CTNNA3: variants seen among roughly 807,000 people sequenced by gnomAD.
CTNNA3 encodes the protein catenin alpha-3.
A neutral mutation model predicts 95.7 loss-of-function variants in CTNNA3; 76 were observed. That is an observed-to-expected ratio of 0.79 (90% confidence interval 0.66 to 0.96). The LOEUF is 0.96. Among genes scored for constraint, CTNNA3 ranks in the 40% least tolerant of loss-of-function variants. CTNNA3 has a pLI of 0.00. For synonymous variants in CTNNA3, 431 were observed against 374.4 expected (o/e 1.15, Z -1.74); for missense variants, 1,191 against 1,089.8 (o/e 1.09, Z -1.31).
At position 66,733,278 on chromosome 10, in the gene CTNNA3, GA is replaced by G. The variant is rs201972721; in HGVS notation, c.1281+32985del. On this transcript the variant is annotated intron_variant, in intron 9 of 17. Transcript: ENST00000433211. ...CTCTTTAACTCTCTTGTGTGTAGTA[GA>G]AAAAAAAGTTGTAATTATATTGTTT... is the stretch of plus-strand genomic sequence containing the variant. Among the ~76,000 whole-genome samples the G allele has an allele frequency of 3.1e-3, 470 of 151,734 alleles. 12 individuals are homozygous for G. The East Asian group carries it at 0.055, about 18-fold the overall frequency.
chr10:67,412,929 A>G (rs1280444477), intron 5 of CTNNA3, among the ~76,000 whole-genome samples: 1 of 152,050 alleles, frequency 6.6e-6, no homozygotes, highest in Non-Finnish European at 1.5e-5. Context: ...GCTCACAGGC[A>G]CTATAAAGCA....
intron 7 of CTNNA3, among the ~76,000 whole-genome samples, chr10:67,062,514 A>AGT (rs997752117): frequency 2.0e-5 from 3 of 152,058 alleles, no homozygotes; most frequent in Admixed American, 6.6e-5. Flanking sequence ...TTTGGTTGAA[A>AGT]GTGTGTGTGT....
intron 7 of CTNNA3, among the ~76,000 whole-genome samples, chr10:66,805,596 A>G (rs901943390): frequency 6.6e-6 from 1 of 151,402 alleles, no homozygotes; most frequent in African/African-American, 2.4e-5. Flanking sequence ...AAACATAAGG[A>G]AGGATTTTCT....
At chr10:67,570,668 C>T (rs991370565) in intron 3 of CTNNA3, among the ~76,000 whole-genome samples, 4 of 152,182 alleles carry the variant, frequency 2.6e-5, no homozygotes, top group Non-Finnish European at 5.9e-5. Context: ...ATCTTCTTCA[C>T]AAGGTCTTTA....
chr10:67,215,238 C>T (rs977471203), intron 6 of CTNNA3, among the ~76,000 whole-genome samples: 1 of 152,020 alleles, frequency 6.6e-6, no homozygotes, highest in African/African-American at 2.4e-5. Flanking sequence ...ATAGCTCTGC[C>T]TGGTCAATTT....
intron 5 of CTNNA3, among the ~76,000 whole-genome samples, chr10:67,512,455 C>A (rs1448471390): frequency 6.6e-6 from 1 of 152,176 alleles, no homozygotes; most frequent in Non-Finnish European, 1.5e-5. Flanking sequence ...ATTGCAGCAT[C>A]ATTCATGATA....
At chr10:67,352,070 T>C (rs1230150988) in intron 5 of CTNNA3, among the ~76,000 whole-genome samples, 1 of 152,090 alleles carries the variant, frequency 6.6e-6, no homozygotes, top group Non-Finnish European at 1.5e-5. Flanking sequence ...CCTTTAAAGA[T>C]TGCACAAACT....
intron 1 of CTNNA3, among the ~76,000 whole-genome samples, chr10:67,726,626 T>TTATATTATATATAATATATAC (rs1841228935): frequency 3.5e-3 from 17 of 4,882 alleles, no homozygotes; most frequent in Admixed American, 6.9e-3. Flanking sequence ...ATAATATATA[T>TTATATTATATATAATATATAC]TATATTATAT....
chr10:65,981,888 A>C (rs894980972), intron 16 of CTNNA3, among the ~76,000 whole-genome samples: 2 of 151,988 alleles, frequency 1.3e-5, no homozygotes, highest in Non-Finnish European at 2.9e-5. Context: ...TAAAACCATA[A>C]AAATTCTAGA....
chr10:65,925,307 G>A (rs2077152238), intron 17 of CTNNA3, among the ~76,000 whole-genome samples: 1 of 152,074 alleles, frequency 6.6e-6, no homozygotes, highest in Non-Finnish European at 1.5e-5. Flanking sequence ...AATCGAAACA[G>A]TAAAAATGAA....
intron 6 of CTNNA3, among the ~76,000 whole-genome samples, chr10:67,210,501 T>C (rs1864095193): frequency 6.6e-6 from 1 of 152,182 alleles, no homozygotes; most frequent in African/African-American, 2.4e-5. Flanking sequence ...GAATACAACC[T>C]GATGCTTTGA....
At position 66,355,784 on chromosome 10, in the gene CTNNA3, C is replaced by A. The variant is rs1028081770; in HGVS notation, c.1732+23368G>T. On this transcript the variant is annotated intron_variant, in intron 12 of 17. Transcript: ENST00000433211. ...GGTGTTGTATCTAACAATGCCAAAC[C>A]AAAGTCACAAAAATTTATCCTATGT... Among the ~76,000 whole-genome samples the A allele has an allele frequency of 8.6e-5, 13 of 151,858 alleles. 1 individual carries two copies. The highest frequency in any genetic ancestry group is 2.7e-4 in the African/African-American group (11 of 41,456).
chr10:66,263,789 T>G (rs1169511458), intron 13 of CTNNA3, among the ~76,000 whole-genome samples: 2 of 152,108 alleles, frequency 1.3e-5, no homozygotes, highest in East Asian at 3.9e-4. Flanking sequence ...ACCAATTCAC[T>G]GAATATCTAA....
At chr10:67,388,718 G>A (rs1844312334) in intron 5 of CTNNA3, among the ~76,000 whole-genome samples, 2 of 152,058 alleles carry the variant, frequency 1.3e-5, no homozygotes, top group Non-Finnish European at 2.9e-5. Flanking sequence ...TCTCTCGGCA[G>A]AAACCCTACA....
At chr10:66,259,452 T>G (rs1052817695) in intron 13 of CTNNA3, among the ~76,000 whole-genome samples, 1 of 151,936 alleles carries the variant, frequency 6.6e-6, no homozygotes, top group Admixed American at 6.6e-5. Flanking sequence ...AGGAAGAAAA[T>G]AAGGAGAGGA....
rs566231835 is a variant in CTNNA3, at chr10:67,165,339, G to T, written c.1047+14978C>A. 6.6e-5 allele frequency among the ~76,000 whole-genome samples: 10 copies of T among 152,274 alleles called. No individual in the cohort carries two copies. The South Asian group carries it at 2.1e-3, about 32-fold the overall frequency. ...TGGAGAATAGATTTGCATTTGCCGAGGGTTAGGCACGGGGCAGGGGCAGGT... is the reference window on the plus strand; with the variant it reads ...TGGAGAATAGATTTGCATTTGCCGATGGTTAGGCACGGGGCAGGGGCAGGT... On this transcript the variant is annotated intron_variant, in intron 7 of 17. Coordinates refer to ENST00000433211, the MANE Select transcript of CTNNA3 (RefSeq NM_013266.4).
At chr10:67,522,233 A>G (rs753042810) in intron 4 of CTNNA3, among the ~76,000 whole-genome samples, 1 of 152,204 alleles carries the variant, frequency 6.6e-6, no homozygotes, top group African/African-American at 2.4e-5. Flanking sequence ...TAAAAAAAAT[A>G]AAAAAGAAAG....
chr10:67,328,455 C>G (rs1476491948), intron 5 of CTNNA3, among the ~76,000 whole-genome samples: 2 of 152,224 alleles, frequency 1.3e-5, no homozygotes, highest in Non-Finnish European at 2.9e-5. Flanking sequence ...GCACCAAACT[C>G]TTCGGGCTCC....
rs2092054354 is a variant in CTNNA3 at position 66,313,542 on chromosome 10, G to C, written c.1733-32921C>G. Among the ~76,000 whole-genome samples, 2 of 152,146 alleles carry C rather than the reference G, an allele frequency of 1.3e-5. 1 individual carries two copies. The highest frequency in any genetic ancestry group is 4.2e-4 in the South Asian group (2 of 4,818). On this transcript the variant is annotated intron_variant, in intron 12 of 17. Coordinates refer to ENST00000433211, the MANE Select transcript of CTNNA3 (RefSeq NM_013266.4). ...TCTTCTCCCAGCTTGTACAGTGTCTGGCTCCTTCTCCTCTTAACTCTCATC... is the reference window on the plus strand; with the variant it reads ...TCTTCTCCCAGCTTGTACAGTGTCTCGCTCCTTCTCCTCTTAACTCTCATC...
Sources: allele counts gnomAD v4.1 joint callset (sites outside exome capture counted in the v4.1 genomes callset), GRCh38; gene constraint gnomAD v4.1.1; transcripts MANE v1.5; gene names NCBI Gene and HGNC (gene_info 2026-07-23, HGNC 2026-07-21).